RSPH1: variants seen among roughly 807,000 people sequenced by gnomAD.
The protein encoded by RSPH1 is radial spoke head component 1.
A neutral mutation model predicts 44.2 loss-of-function variants in RSPH1; 32 were observed. That is an observed-to-expected ratio of 0.72 (90% CI 0.55 to 0.97). RSPH1 has a LOEUF of 0.97. RSPH1 is among the 50% of genes least tolerant of loss of function. The pLI, the probability that RSPH1 is intolerant of heterozygous loss-of-function variation, is 0.00. For missense variants in RSPH1, 391 were observed against 398.7 expected (o/e 0.98, Z 0.16); for synonymous variants, 134 against 147.3 (o/e 0.91, Z 0.65).
chr21:42,478,330 A>G (rs2054092185), intron 6 of RSPH1, among the ~76,000 whole-genome samples: 1 of 152,256 alleles, frequency 6.6e-6, no homozygotes, highest in Non-Finnish European at 1.5e-5. Flanking sequence ...TTTTGGTCTC[A>G]GAGTGTTTGA....
At chr21:42,491,201 C>A (rs910559728) in intron 3 of RSPH1, among the ~76,000 whole-genome samples, 5 of 152,062 alleles carry the variant, frequency 3.3e-5, no homozygotes, top group African/African-American at 1.2e-4. Context: ...CTGTGGGTAC[C>A]CTCCGGATCC....
chr21:42,495,913 G>A (rs1388161142), intron 1 of RSPH1: 7 of 552,884 alleles, frequency 1.3e-5, no homozygotes, highest in Admixed American at 3.0e-5. Flanking sequence ...GGAAGAACGA[G>A]GCGGCATGTG....
intron 3 of RSPH1, among the ~76,000 whole-genome samples, chr21:42,488,881 A>AT (rs371141084): frequency 3.3e-5 from 5 of 150,976 alleles, no homozygotes; most frequent in Admixed American, 6.6e-5. Flanking sequence ...TTTGCACTTA[A>AT]TTTTTTTTTT....
intron 6 of RSPH1, among the ~76,000 whole-genome samples, chr21:42,479,177 C>T (rs2054100738): frequency 6.6e-6 from 1 of 152,172 alleles, no homozygotes; most frequent in South Asian, 2.1e-4. Context: ...CCGTGGGCTG[C>T]AGCTTGGCAA....
At chr21:42,485,481 C>T in intron 5 of RSPH1, 188 bp downstream of exon 5, 1 of 632,684 alleles carries the variant, frequency 1.6e-6, no homozygotes, top group Non-Finnish European at 2.7e-6. Context: ...TCCCTCCCTT[C>T]CCCCAATTCT....
At chr21:42,473,841 A>G (rs556445758) in intron 8 of RSPH1, among the ~76,000 whole-genome samples, 2 of 152,232 alleles carry the variant, frequency 1.3e-5, no homozygotes, top group South Asian at 2.1e-4. Flanking sequence ...CCACCCAGGA[A>G]GATGCCAGCA....
chr21:42,480,032 A>C (rs2054110089), intron 6 of RSPH1, among the ~76,000 whole-genome samples: 2 of 152,224 alleles, frequency 1.3e-5, no homozygotes, highest in South Asian at 4.1e-4. Flanking sequence ...AAGACAGATC[A>C]CTGTGAGGCC....
At chr21:42,486,065 C>A (rs1160514603) in intron 4 of RSPH1, 2 of 584,408 alleles carry the variant, frequency 3.4e-6, no homozygotes, top group East Asian at 2.9e-5. Context: ...AGGGAAGAGG[C>A]AGAGCTAGTG....
chr21:42,488,988 G>A lies in RSPH1; in HGVS notation c.275-2527C>T, dbSNP rs1050446228. On this transcript the variant is annotated intron_variant, in intron 3 of 8. Transcript: ENST00000291536. Reference sequence around the variant, plus strand: ...TATTTCTTCTCAGGAGTAACTCCCAGTTGGTTGGTTGGTTGGTTGGTTGGT... The same window carrying A: ...TATTTCTTCTCAGGAGTAACTCCCAATTGGTTGGTTGGTTGGTTGGTTGGT... Among the ~76,000 whole-genome samples the A allele has an allele frequency of 8.6e-5, 6 of 69,398 alleles. No homozygotes were observed. In the East Asian group the frequency reaches 1.8e-3, roughly 21 times the overall value. The allele number at this position is 69,398 out of a possible 152,430, so 45.5% of individuals were successfully genotyped here. A position where few individuals can be genotyped will look rare whatever the true frequency, so the allele number is the denominator to read the frequency against.
intron 3 of RSPH1, among the ~76,000 whole-genome samples, chr21:42,488,097 AGG>A (rs1402193335): frequency 5.9e-5 from 9 of 152,342 alleles, no homozygotes; most frequent in Admixed American, 3.3e-4. Context: ...TCATGGAGAG[AGG>A]GAAGGTGGCA....
chr21:42,479,656 A>C (rs538782510), intron 6 of RSPH1, among the ~76,000 whole-genome samples: 1 of 151,440 alleles, frequency 6.6e-6, no homozygotes, highest in African/African-American at 2.4e-5. Context: ...AATACTAAAT[A>C]CCTCCCTGTC....
intron 3 of RSPH1, among the ~76,000 whole-genome samples, chr21:42,491,544 G>T (rs989872699): frequency 1.3e-4 from 19 of 151,842 alleles, no homozygotes; most frequent in African/African-American, 3.9e-4. Flanking sequence ...GATTTGGAAA[G>T]AATTAAATTA....
intron 8 of RSPH1, 101 bp from the exon 9 acceptor site, chr21:42,472,971 A>G (rs2054008159): frequency 1.3e-6 from 1 of 781,294 alleles, no homozygotes; most frequent in Non-Finnish European, 2.1e-6. Flanking sequence ...AAATTATTGT[A>G]ACTATTAAGC....
intron 3 of RSPH1, among the ~76,000 whole-genome samples, chr21:42,491,330 G>C (rs2054234097): frequency 6.6e-6 from 1 of 152,190 alleles, no homozygotes; most frequent in Non-Finnish European, 1.5e-5. Context: ...AACTCAGTTG[G>C]TGTTCACAGA....
chr21:42,477,405 C>G lies in RSPH1; in HGVS notation c.613G>C (p.Val205Leu). The G allele has an allele frequency of 6.2e-7, 1 of 1,614,146 alleles. No homozygotes were observed. Among genetic ancestry groups the G allele is most frequent in the South Asian group, 1.1e-5 (1 of 91,090 alleles). Residue 205 changes from valine to leucine, a missense_variant, in exon 7 of 9, where the codon GTT becomes CTT. Physicochemically the swap from Val to Leu is conservative, Grantham distance 32. Coordinates refer to ENST00000291536, the MANE Select transcript of RSPH1 (RefSeq NM_080860.4). ...TGGGTAGCTTTCCATTTTGGAACAA[C>G]AGTTACTAATTCTTCCTCCTCTTCC... ...EEEEEEELVT[V>L]VPKWKATQIT...
intron 1 of RSPH1, 99 bp downstream of exon 1, chr21:42,496,034 G>C: frequency 7.3e-7 from 1 of 1,377,892 alleles, no homozygotes. Flanking sequence ...CTGTGGCTCA[G>C]ACCTCTGGTT....
At chr21:42,486,209 G>A in intron 4 of RSPH1, 162 bp downstream of exon 4, 2 of 635,012 alleles carry the variant, frequency 3.1e-6, no homozygotes, top group East Asian at 2.7e-5. Context: ...TGCACAGAAA[G>A]GCATCCTTGC....
intron 6 of RSPH1, among the ~76,000 whole-genome samples, chr21:42,478,324 G>A (rs1601626699): frequency 1.3e-5 from 2 of 152,202 alleles, no homozygotes; most frequent in African/African-American, 4.8e-5. Context: ...TCTCTATTTT[G>A]GTCTCAGAGT....
chr21:42,472,631 T>A lies in RSPH1; in HGVS notation c.*187A>T. 2.1e-6 allele frequency: 1 copy of A among 468,746 alleles called. No homozygotes were observed. Among genetic ancestry groups the A allele is most frequent in the South Asian group, 4.2e-5 (1 of 23,540 alleles). The allele number at this position is 468,746 out of a possible 1,614,324, so 29.0% of individuals were successfully genotyped here. ...TTTTTGTTTATTTTTTGAGACAGGG[T>A]CTCGCTCTGCCACCCAGGCTGGAGA... On this transcript the variant is annotated 3_prime_UTR_variant, in exon 9 of 9. Transcript: ENST00000291536.
Sources: gnomAD v4.1 joint callset for allele counts (sites outside exome capture counted in the v4.1 genomes callset) on GRCh38, gnomAD v4.1.1 for gene constraint, MANE v1.5 for transcripts, NCBI Gene and HGNC (gene_info 2026-07-23, HGNC 2026-07-21) for gene names.